The following ZNF544 variants were observed in gnomAD, a reference collection of about 807,000 sequenced individuals.
The protein encoded by ZNF544 is zinc finger protein 544, also known as zinc finger protein AF020591.
Under a neutral mutation model 13.5 loss-of-function variants are expected in ZNF544, and 10 were observed. That is an observed-to-expected ratio of 0.74 (90% CI 0.46 to 1.25). The LOEUF (loss-of-function observed/expected upper bound fraction) is 1.25. ZNF544 is among the 50% of genes most tolerant of loss of function. The pLI, the probability that ZNF544 is intolerant of heterozygous loss-of-function variation, is 0.00. For missense variants in ZNF544, 896 were observed against 845.6 expected (o/e 1.06, Z -0.74); for synonymous variants, 323 against 300.5 (o/e 1.07, Z -0.77).
intron 6 of ZNF544, among the ~76,000 whole-genome samples, chr19:58,252,083 C>T (rs2046381938): frequency 6.6e-6 from 1 of 152,160 alleles, no homozygotes; most frequent in African/African-American, 2.4e-5. Context: ...TTAGTACTGG[C>T]AGAAACTTTT....
chr19:58,275,020 C>T (rs928068701), intron 5 of ZNF544, among the ~76,000 whole-genome samples: 46 of 151,108 alleles, frequency 3.0e-4, no homozygotes, highest in Admixed American at 2.4e-3. Context: ...ATGACTCTTC[C>T]AGGCAAACCC....
rs866738247 is a variant in ZNF544, at chr19:58,260,950, A to C, written c.344A>C (p.Glu115Ala). 1.2e-6 allele frequency: 2 copies of C among 1,614,210 alleles called. No individual in the cohort carries two copies. The highest frequency in any genetic ancestry group is 1.6e-4 in the Middle Eastern group (1 of 6,062). ...HHVEVYRSGPEEPPSLVLGKV... is the reference protein window; with the variant it reads ...HHVEVYRSGPAEPPSLVLGKV... The stretch of plus-strand genomic sequence containing the variant: ...GTGGAAGTGTACAGGAGTGGACCGG[A>C]GGAGCCACCCTCTTTGGTATTAGGA... Residue 115 changes from glutamate (E) to alanine (A), a missense_variant, in exon 7 of 7, where the codon GAG becomes GCG. Transcript: ENST00000687789.
intron 2 of ZNF544, chr19:58,230,154 C>G (rs578037105): frequency 6.6e-6 from 1 of 152,232 alleles, no homozygotes; most frequent in East Asian, 1.9e-4. Context: ...AAGGAGAAAA[C>G]TGGAAAAGGA....
At chr19:58,273,689 C>CAAAAA (rs919160966) in intron 5 of ZNF544, among the ~76,000 whole-genome samples, 3 of 60,398 alleles carry the variant, frequency 5.0e-5, no homozygotes, top group Non-Finnish European at 1.1e-4. Context: ...GACTCTGTCT[C>CAAAAA]AAAAAAAAAA....
At chr19:58,265,991 G>A (rs1600415440), downstream of ZNF544, among the ~76,000 whole-genome samples, 2 of 151,950 alleles carry the variant, frequency 1.3e-5, no homozygotes, top group African/African-American at 4.8e-5. Context: ...GATCCCTTGA[G>A]GTTAGGAGTT....
rs1253058292 is a variant in ZNF544, at chr19:58,229,517, A to G, written c.-182A>G. Reference sequence around the variant, plus strand: ...CAGCGGCACCAGGCAGGTGACGCCTATTGGACCCCAGAGGTCATCCCAGCT... The same window carrying G: ...CAGCGGCACCAGGCAGGTGACGCCTGTTGGACCCCAGAGGTCATCCCAGCT... On this transcript the variant is annotated 5_prime_UTR_variant, in exon 2 of 7. Transcript: ENST00000687789. 1.3e-5 allele frequency: 2 copies of G among 152,318 alleles called. No homozygotes were observed. The highest frequency in any genetic ancestry group is 2.4e-5 in the African/African-American group (1 of 41,456). The allele number at this position is 152,318 out of a possible 1,614,324, so 9.4% of individuals were successfully genotyped here. A position where few individuals can be genotyped will look rare whatever the true frequency, so the allele number is the denominator to read the frequency against.
intron 6 of ZNF544, chr19:58,259,102 C>T (rs1190162044): frequency 6.6e-6 from 1 of 152,220 alleles, no homozygotes; most frequent in East Asian, 1.9e-4. Context: ...CTCCGGGCTA[C>T]AGCAAGGAAA....
At chr19:58,246,626 C>T in intron 5 of ZNF544, 85 bp from the exon 6 acceptor site, 1 of 1,527,842 alleles carries the variant, frequency 6.5e-7, no homozygotes, top group Non-Finnish European at 9.0e-7. Context: ...TTCCTCGGGA[C>T]AGCACTAGGG....
chr19:58,273,135 C>T (rs1025857360), intron 5 of ZNF544, among the ~76,000 whole-genome samples: 7 of 150,660 alleles, frequency 4.6e-5, no homozygotes, highest in Non-Finnish European at 8.9e-5. Flanking sequence ...AAGCCAAGAT[C>T]GCACCATTGT....
chr19:58,273,550 C>T (rs1028517822), intron 5 of ZNF544, among the ~76,000 whole-genome samples: 1 of 150,268 alleles, frequency 6.7e-6, no homozygotes, highest in South Asian at 2.1e-4. Flanking sequence ...ATTAGCCGGG[C>T]GTGGTGGCGG....
chr19:58,242,450 A>G (rs1342179317), intron 3 of ZNF544: 1 of 187,030 alleles, frequency 5.3e-6, no homozygotes, highest in East Asian at 1.9e-4. Flanking sequence ...ACCTGGGAGA[A>G]TGATAAGTGT....
At chr19:58,264,473 C>G (rs1304791418), downstream of ZNF544, among the ~76,000 whole-genome samples, 1 of 149,774 alleles carries the variant, frequency 6.7e-6, no homozygotes, top group Admixed American at 6.7e-5. Context: ...GGGTGGATCA[C>G]TTGAGGACAG....
exon 7 of ZNF544, chr19:58,277,452 C>G (rs2051293084): frequency 5.0e-6 from 2 of 399,442 alleles, no homozygotes; most frequent in Non-Finnish European, 8.7e-6. Flanking sequence ...ATACTGTTCC[C>G]TGCTATGTGT....
intron 3 of ZNF544, among the ~76,000 whole-genome samples, chr19:58,242,942 G>A (rs765289174): frequency 3.3e-5 from 5 of 152,014 alleles, no homozygotes; most frequent in Non-Finnish European, 5.9e-5. Context: ...TGATCTGCCC[G>A]CCTCAGCCTC....
chr19:58,230,690 G>A (rs185571207), intron 3 of ZNF544, among the ~76,000 whole-genome samples: 7 of 152,306 alleles, frequency 4.6e-5, no homozygotes, highest in African/African-American at 1.7e-4. Context: ...GTGTTTGGGA[G>A]TGAGAGAGCA....
intron 3 of ZNF544, among the ~76,000 whole-genome samples, chr19:58,239,285 C>T (rs561023998): frequency 2.8e-4 from 42 of 152,272 alleles, no homozygotes; most frequent in African/African-American, 9.4e-4. Context: ...TTTACACCTT[C>T]CTGGCCTCTG....
downstream of ZNF544, among the ~76,000 whole-genome samples, chr19:58,268,390 A>T (rs1369837349): frequency 1.3e-5 from 2 of 152,242 alleles, no homozygotes; most frequent in East Asian, 3.8e-4. Context: ...TACAAGTAAG[A>T]TTGTTCAATG....
intron 6 of ZNF544, chr19:58,259,289 G>C (rs1326447428): frequency 2.0e-5 from 3 of 152,200 alleles, no homozygotes; most frequent in Admixed American, 6.5e-5. Context: ...CTGAAGAAAT[G>C]GTAGAATTGG....
chr19:58,273,473 C>G (rs1433378008), intron 5 of ZNF544, among the ~76,000 whole-genome samples: 7 of 151,940 alleles, frequency 4.6e-5, no homozygotes, highest in Admixed American at 1.3e-4. Context: ...GGCGGATCAC[C>G]AGGTCAGGAG....
Sources: allele counts gnomAD v4.1 joint callset (sites outside exome capture counted in the v4.1 genomes callset), GRCh38; gene constraint gnomAD v4.1.1; transcripts MANE v1.5; gene names NCBI Gene and HGNC (gene_info 2026-07-23, HGNC 2026-07-21).